DISC1: variants seen among roughly 807,000 people sequenced by gnomAD.
DISC1 encodes DISC1 scaffold protein, also known as disrupted in schizophrenia 1 protein.
Under a neutral mutation model 84.5 loss-of-function variants are expected in DISC1, and 57 were observed. The observed-to-expected ratio is 0.67, with a 90% CI of 0.55 to 0.84. DISC1 has a LOEUF of 0.84. DISC1 is among the 40% of genes least tolerant of loss of function. The pLI is 0.00. For synonymous variants in DISC1, 411 were observed against 415.2 expected (o/e 0.99, Z 0.12); for missense variants, 1,000 against 1,057.8 (o/e 0.95, Z 0.76).
intron 12 of DISC1, among the ~76,000 whole-genome samples, chr1:232,027,511 A>G (rs1226251858): frequency 6.7e-6 from 1 of 148,554 alleles, no homozygotes; most frequent in Non-Finnish European, 1.5e-5. Context: ...GAAGCACTCC[A>G]TTCTGTGTTG....
chr1:231,988,306 A>G (rs890468883), intron 10 of DISC1, among the ~76,000 whole-genome samples: 1 of 152,188 alleles, frequency 6.6e-6, no homozygotes, highest in South Asian at 2.1e-4. Flanking sequence ...CCAACCTACA[A>G]ATCAGCACCT....
chr1:231,806,925 A>G (rs943833740), intron 8 of DISC1, among the ~76,000 whole-genome samples: 4 of 152,202 alleles, frequency 2.6e-5, no homozygotes, highest in African/African-American at 7.2e-5. Flanking sequence ...CTCTGTGGCT[A>G]CTACCCATCC....
At chr1:231,771,170 G>A (rs2076525556) in intron 6 of DISC1, 100 bp downstream of exon 6, 5 of 1,464,474 alleles carry the variant, frequency 3.4e-6, no homozygotes, top group Non-Finnish European at 4.5e-6. Context: ...CATTTCCCAA[G>A]CAGTCTGTAT....
intron 10 of DISC1, among the ~76,000 whole-genome samples, chr1:231,984,585 A>T (rs1332254113): frequency 6.6e-6 from 1 of 152,148 alleles, no homozygotes; most frequent in Non-Finnish European, 1.5e-5. Context: ...CATGCACCAG[A>T]CCTCAGGCTG....
chr1:231,868,376 G>A (rs1053239346), intron 9 of DISC1, among the ~76,000 whole-genome samples: 27 of 151,796 alleles, frequency 1.8e-4, no homozygotes, highest in African/African-American at 4.6e-4. Context: ...AGGGTTTGCC[G>A]GTGGTTTTGC....
chr1:231,844,793 G>C (rs2083327233), intron 9 of DISC1, among the ~76,000 whole-genome samples: 1 of 151,904 alleles, frequency 6.6e-6, no homozygotes, highest in African/African-American at 2.4e-5. Context: ...CGGACATTGT[G>C]GTGGGCGCCT....
chr1:231,963,101 C>T (rs12754734), intron 10 of DISC1, among the ~76,000 whole-genome samples: 27,654 of 152,084 alleles, frequency 0.18, 2,723 homozygotes, highest in South Asian at 0.21. Context: ...CAAGGCTGCC[C>T]GATGTCCTAA....
chr1:231,938,853 C>T (rs1400895569), intron 9 of DISC1, among the ~76,000 whole-genome samples: 1 of 152,206 alleles, frequency 6.6e-6, no homozygotes, highest in Non-Finnish European at 1.5e-5. Context: ...CTCTGCTTGG[C>T]TGTGTTAAAA....
chr1:231,986,813 G>T (rs1233014302), intron 10 of DISC1, among the ~76,000 whole-genome samples: 1 of 152,138 alleles, frequency 6.6e-6, no homozygotes, highest in Non-Finnish European at 1.5e-5. Context: ...GGATGTGGCG[G>T]GCCATGCTTA....
At chr1:231,855,599 G>A (rs1289440333) in intron 9 of DISC1, among the ~76,000 whole-genome samples, 1 of 152,170 alleles carries the variant, frequency 6.6e-6, no homozygotes, top group African/African-American at 2.4e-5. Context: ...GGTTGAGGAT[G>A]AGCAATTGAG....
chr1:231,833,104 G>A (rs1052327385), intron 9 of DISC1, among the ~76,000 whole-genome samples: 7 of 150,430 alleles, frequency 4.7e-5, no homozygotes, highest in East Asian at 2.0e-4. Context: ...GGATTGGGAA[G>A]AAGGGCGGCA....
In DISC1 at chr1:231,797,729, A is replaced by G. The variant is rs114007991; in HGVS notation, c.1690-2379A>G. ...TCCAACCATTGCACATACCTTCTCT[A>G]ATACATTTATAAAACTTTATAATTA... On this transcript the variant is annotated intron_variant, in intron 7 of 12. Transcript: ENST00000439617. Among the ~76,000 whole-genome samples, 1,048 of 152,270 alleles carry G rather than the reference A, an allele frequency of 6.9e-3. 12 individuals are homozygous for G. Among genetic ancestry groups the G allele is most frequent in the African/African-American group, 0.024 (982 of 41,560 alleles).
At chr1:231,659,013 G>A (rs1319174954) in intron 1 of DISC1, among the ~76,000 whole-genome samples, 1 of 152,088 alleles carries the variant, frequency 6.6e-6, no homozygotes, top group Non-Finnish European at 1.5e-5. Flanking sequence ...TTGGGGATGA[G>A]TCCCTCCTTT....
At chr1:231,862,256 C>T (rs1385478181) in intron 9 of DISC1, among the ~76,000 whole-genome samples, 1 of 152,164 alleles carries the variant, frequency 6.6e-6, no homozygotes, top group East Asian at 1.9e-4. Context: ...GTAGCTCCAG[C>T]AGCTATTATT....
rs1258280865 is a variant in DISC1 at position 231,916,670 on chromosome 1, A to AG, written c.1982-42158_1982-42157insG. ...ACTCCGTCTCAAAAAAAAAAAAAAA[A>AG]AAAGAAAGTTCCGAAGAGTTGCCAG... On this transcript the variant is annotated intron_variant, in intron 9 of 12. Coordinates refer to ENST00000439617, the MANE Select transcript of DISC1 (RefSeq NM_018662.3). 5.3e-5 allele frequency among the ~76,000 whole-genome samples: 8 copies of AG among 151,768 alleles called. 1 individual carries two copies. Among genetic ancestry groups the AG allele is most frequent in the Admixed American group, 5.3e-4 (8 of 15,238 alleles).
chr1:231,920,662 C>T (rs1558735089), intron 9 of DISC1, among the ~76,000 whole-genome samples: 1 of 152,210 alleles, frequency 6.6e-6, no homozygotes, highest in Admixed American at 6.5e-5. Flanking sequence ...TTCATCCGTT[C>T]ATCCATAGAT....
chr1:232,022,168 GA>G (rs1195055462), intron 11 of DISC1, among the ~76,000 whole-genome samples: 1 of 152,148 alleles, frequency 6.6e-6, no homozygotes, highest in Non-Finnish European at 1.5e-5. Context: ...CAATATTCCA[GA>G]AAAGTGTGTT....
intron 3 of DISC1, among the ~76,000 whole-genome samples, chr1:231,714,509 CA>C (rs1364006169): frequency 1.3e-5 from 2 of 151,748 alleles, no homozygotes; most frequent in African/African-American, 4.8e-5. Context: ...ATAGAATCAC[CA>C]TATGATTCAG....
intron 1 of DISC1, among the ~76,000 whole-genome samples, chr1:231,692,173 T>C (rs2065117321): frequency 6.6e-6 from 1 of 152,086 alleles, no homozygotes; most frequent in Non-Finnish European, 1.5e-5. Context: ...ATTGGTAAAA[T>C]GGGAATAGTA....
Sources: allele counts gnomAD v4.1 joint callset (sites outside exome capture counted in the v4.1 genomes callset), GRCh38; gene constraint gnomAD v4.1.1; transcripts MANE v1.5; gene names NCBI Gene and HGNC (gene_info 2026-07-23, HGNC 2026-07-21).